SNRNP70: variants seen among roughly 807,000 people sequenced by gnomAD.
SNRNP70 encodes small nuclear ribonucleoprotein U1 subunit 70.
In SNRNP70, 8 loss-of-function variants were observed where a neutral mutation model predicts 50.5. The observed-to-expected ratio is 0.16, with a 90% confidence interval of 0.09 to 0.29. The LOEUF (loss-of-function observed/expected upper bound fraction) is 0.29. SNRNP70 is among the 10% of genes least tolerant of loss of function. SNRNP70 has a pLI of 1.00. For missense variants in SNRNP70, 529 were observed against 663.5 expected (o/e 0.80, Z 2.23); for synonymous variants, 320 against 252.9 (o/e 1.27, Z -2.52).
Position 49,086,640 on chromosome 19 carries a change from A to G in SNRNP70, c.147+79A>G, listed in dbSNP as rs143820545. On this transcript the variant is annotated intron_variant, in intron 2 of 9. Transcript: ENST00000598441. Reference sequence around the variant, plus strand: ...GGATTTGCGAGTCCAGCTTCTGGCCATTTTGCCAGCTGCGTGATTTAAGCG... The same window carrying G: ...GGATTTGCGAGTCCAGCTTCTGGCCGTTTTGCCAGCTGCGTGATTTAAGCG... 7.6e-3 allele frequency: 10,372 copies of G among 1,362,476 alleles called. 57 individuals carry two copies. Among genetic ancestry groups the G allele is most frequent in the Non-Finnish European group, 9.7e-3 (9,343 of 961,746 alleles). The allele number at this position is 1,362,476 out of a possible 1,614,324, so 84.4% of individuals were successfully genotyped here.
At chr19:49,099,953 TACAC>T (rs3838925) in intron 6 of SNRNP70, among the ~76,000 whole-genome samples, 229 of 151,322 alleles carry the variant, frequency 1.5e-3, no homozygotes, top group South Asian at 3.1e-3. Context: ...TATATATGTG[TACAC>T]ACACACACAC....
chr19:49,106,284 C>G (rs533647011), intron 8 of SNRNP70, among the ~76,000 whole-genome samples: 1 of 152,330 alleles, frequency 6.6e-6, no homozygotes, highest in Non-Finnish European at 1.5e-5. Flanking sequence ...TCTTCTAGTT[C>G]AATTGCCATT....
At chr19:49,088,913 G>C (rs1005264160) in intron 2 of SNRNP70, among the ~76,000 whole-genome samples, 4 of 152,124 alleles carry the variant, frequency 2.6e-5, no homozygotes, top group African/African-American at 9.7e-5. Flanking sequence ...CTTTAGGCCT[G>C]GTCATCCTCA....
intron 6 of SNRNP70, 137 bp downstream of exon 6, chr19:49,098,841 A>G: frequency 1.4e-6 from 1 of 725,318 alleles, no homozygotes. Flanking sequence ...TCCTGACTGT[A>G]TCTCCATGCA....
At chr19:49,089,656 ATTTTTT>A (rs71179085) in intron 2 of SNRNP70, among the ~76,000 whole-genome samples, 7 of 82,612 alleles carry the variant, frequency 8.5e-5, no homozygotes, top group South Asian at 5.2e-4. Flanking sequence ...TTGAGACAGG[ATTTTTT>A]TTTTTTTTTT....
intron 4 of SNRNP70, among the ~76,000 whole-genome samples, chr19:49,093,683 AAAAAAAAAAC>A (rs1214761014): frequency 5.6e-5 from 8 of 142,978 alleles, no homozygotes; most frequent in Non-Finnish European, 1.2e-4. Flanking sequence ...CATCTCAAAA[AAAAAAAAAAC>A]AAAAAAAAAA....
intron 2 of SNRNP70, among the ~76,000 whole-genome samples, chr19:49,086,973 G>A (rs1370735333): frequency 6.6e-6 from 1 of 151,968 alleles, no homozygotes; most frequent in Admixed American, 6.6e-5. Context: ...ATCACTTGAG[G>A]TGAGGAGTTG....
At chr19:49,091,008 A>G (rs952686968) in intron 4 of SNRNP70, among the ~76,000 whole-genome samples, 1 of 152,156 alleles carries the variant, frequency 6.6e-6, no homozygotes, top group Non-Finnish European at 1.5e-5. Flanking sequence ...TGAAAACTGT[A>G]CAGTCACAGG....
intron 2 of SNRNP70, among the ~76,000 whole-genome samples, chr19:49,087,339 T>C (rs1197528582): frequency 1.3e-5 from 2 of 152,186 alleles, no homozygotes; most frequent in Non-Finnish European, 2.9e-5. Flanking sequence ...GGTTTCTTTA[T>C]CTTTAGCAAG....
intron 7 of SNRNP70, chr19:49,103,747 G>A (rs1360820905): frequency 3.9e-5 from 6 of 152,576 alleles, no homozygotes; most frequent in Non-Finnish European, 8.8e-5. Flanking sequence ...GTTGATCACA[G>A]GCCAGGGCCT....
chr19:49,092,563 C>T (rs1006484816), intron 4 of SNRNP70, among the ~76,000 whole-genome samples: 33 of 152,112 alleles, frequency 2.2e-4, no homozygotes, highest in Non-Finnish European at 1.9e-4. Context: ...CGTGCGCCAC[C>T]ATGCCCAGGT....
At chr19:49,089,793 G>C (rs939764258) in intron 2 of SNRNP70, among the ~76,000 whole-genome samples, 2 of 150,128 alleles carry the variant, frequency 1.3e-5, no homozygotes, top group African/African-American at 4.9e-5. Flanking sequence ...CTCCCGAGTA[G>C]CTGGGACTAC....
At position 49,098,627 on chromosome 19, in the gene SNRNP70, T is replaced by C. The variant is rs1568420574; in HGVS notation, c.331-15T>C. Reference sequence around the variant, plus strand: ...CTCTGTTCTCCCATTTAACGTCATATCCATCTCCTTGTAGAATTATGACAC... The same window carrying C: ...CTCTGTTCTCCCATTTAACGTCATACCCATCTCCTTGTAGAATTATGACAC... On this transcript the variant is annotated splice_polypyrimidine_tract_variant and intron_variant, in intron 5 of 9. Coordinates refer to ENST00000598441, the MANE Select transcript of SNRNP70 (RefSeq NM_003089.6). 3.1e-6 allele frequency: 5 copies of C among 1,612,544 alleles called. No homozygotes were observed. The highest frequency in any genetic ancestry group is 4.2e-6 in the Non-Finnish European group (5 of 1,178,592).
At chr19:49,100,268 T>C (rs2040565937) in intron 6 of SNRNP70, among the ~76,000 whole-genome samples, 1 of 152,134 alleles carries the variant, frequency 6.6e-6, no homozygotes, top group Admixed American at 6.5e-5. Context: ...CTTTCTGACA[T>C]CCAGAGCTGA....
At position 49,108,256 on chromosome 19, in the gene SNRNP70, G is replaced by A. The variant is rs1224236592; in HGVS notation, c.1127G>A (p.Arg376His). Reference protein sequence around the residue: ...RDRDRDRDRDREHKRGERGSE... With the variant: ...RDRDRDRDRDHEHKRGERGSE... The stretch of plus-strand genomic sequence containing the variant: ...CGGGATCGTGACCGTGACCGTGACC[G>A]CGAGCACAAACGGGGGGAGCGGGGC... Residue 376 changes from arginine (R) to histidine (H), a missense_variant, in exon 10 of 10, where the codon CGC becomes CAC. This residue lies in a region of SNRNP70 where 327 missense variants were observed against 308.8 expected (regional missense o/e 1.06). Transcript: ENST00000598441. The A allele has an allele frequency of 1.9e-6, 3 of 1,549,166 alleles. No individual in the cohort carries two copies. Among genetic ancestry groups the A allele is most frequent in the Non-Finnish European group, 1.7e-6 (2 of 1,147,170 alleles).
Position 49,107,486 on chromosome 19 carries a change from C to A in SNRNP70, c.578-139C>A. 1 of 726,836 alleles carries A rather than the reference C, an allele frequency of 1.4e-6. No individual in the cohort carries two copies. The highest frequency in any genetic ancestry group is 2.4e-6 in the Non-Finnish European group (1 of 423,730). 45.0% of individuals were successfully genotyped at this position (726,836 alleles called of 1,614,324 possible). A position where few individuals can be genotyped will look rare whatever the true frequency, so the allele number is the denominator to read the frequency against. ...TTGTGATGGGAGTGCGCGGGATGAACTGCACGGGGGGACCCGGCCCTGTGA... is the reference window on the plus strand; with the variant it reads ...TTGTGATGGGAGTGCGCGGGATGAAATGCACGGGGGGACCCGGCCCTGTGA... On this transcript the variant is annotated intron_variant, in intron 8 of 9. Transcript: ENST00000598441. This position sits in a 1 kb window ranked among gnomAD's most constrained non-coding sequence, Gnocchi z 6.0.
intron 1 of SNRNP70, among the ~76,000 whole-genome samples, chr19:49,085,901 C>T (rs2040371933): frequency 6.6e-6 from 1 of 152,206 alleles, no homozygotes; most frequent in African/African-American, 2.4e-5. Context: ...GGACCCTTAC[C>T]CATAATTCCT....
chr19:49,093,298 C>G (rs1442017363), intron 4 of SNRNP70, among the ~76,000 whole-genome samples: 1 of 151,670 alleles, frequency 6.6e-6, no homozygotes, highest in African/African-American at 2.4e-5. Flanking sequence ...GTTGGTCAGG[C>G]TGTTCTCGAA....
At chr19:49,103,204 T>C (rs1313282396) in intron 7 of SNRNP70, 1 of 152,574 alleles carries the variant, frequency 6.6e-6, no homozygotes, top group Non-Finnish European at 1.5e-5. Flanking sequence ...GAGGCCTCCC[T>C]AGCCTTCTTT....
Sources: gnomAD v4.1 joint callset for allele counts (sites outside exome capture counted in the v4.1 genomes callset) on GRCh38, gnomAD v4.1.1 for gene constraint, gnomAD v4.1.1 regional missense constraint, Gnocchi (gnomAD v3.1) non-coding constraint, MANE v1.5 for transcripts, NCBI Gene and HGNC (gene_info 2026-07-23, HGNC 2026-07-21) for gene names.